Variants in MUC13 observed in about 807,000 individuals in gnomAD.
MUC13 encodes the protein mucin 13, cell surface associated.
A neutral mutation model predicts 48.3 loss-of-function variants in MUC13; 32 were observed. The ratio of observed to expected loss-of-function variants is 0.66; its 90% confidence interval spans 0.50 to 0.89. The LOEUF (loss-of-function observed/expected upper bound fraction) is 0.89, where lower values mean the gene tolerates loss of function less well. Ranked by LOEUF, MUC13 falls within the 40% of genes least tolerant of loss-of-function variation. The probability of loss-of-function intolerance (pLI) is 0.00; values close to 1 mark genes in which losing one functional copy is unlikely to be tolerated. For missense variants in MUC13, 571 were observed against 622.8 expected, an observed-to-expected ratio of 0.92 and a Z score of 0.88; for synonymous variants, 199 against 224.9, an observed-to-expected ratio of 0.88 and a Z score of 1.03.
Position 124,906,273 on chromosome 3 carries a change from A to C in MUC13, c.*470T>G, listed in dbSNP as rs1532602. On this transcript the variant is annotated 3_prime_UTR_variant, in exon 12 of 12. Transcript: ENST00000616727. ...AGAGTGAGCTTGTGACCCTTGAAAG[A>C]TGGTGGGTATCCCTTCTCATCCCCT... The C allele has an allele frequency of 6.6e-6, 1 of 152,274 alleles. No individual in the cohort carries two copies. Among genetic ancestry groups the C allele is most frequent in the Non-Finnish European group, 1.5e-5 (1 of 67,974 alleles). The allele number at this position is 152,274 out of a possible 1,614,324, so 9.4% of individuals were successfully genotyped here. A position where few individuals can be genotyped will look rare whatever the true frequency, so the allele number is the denominator to read the frequency against.
In MUC13 at chr3:124,910,501, T is replaced by C. The variant is rs1426099952; in HGVS notation, c.1253-2A>G. The C allele has an allele frequency of 1.2e-5, 19 of 1,613,928 alleles. No individual in the cohort carries two copies. The Admixed American group carries it at 3.2e-4, about 27-fold the overall frequency. ...CAATAGTGAGGATCAGCTGAAATTC[T>C]GAAAGGAAGAAGAAAATAAGAACAG... On this transcript the variant is annotated splice_acceptor_variant, in intron 9 of 11. Transcript: ENST00000616727. LOFTEE classifies it high-confidence loss of function.
rs76752028 is a variant in MUC13 at position 124,930,624 on chromosome 3, G to A, written c.53-2631C>T. ...CTAAATAACACAAGGATAGCACAAC[G>A]TCCACAGAGGTACAAATCATAGGTT... On this transcript the variant is annotated intron_variant, in intron 1 of 11. Transcript: ENST00000616727. 8.5e-3 allele frequency among the ~76,000 whole-genome samples: 1,287 copies of A among 152,260 alleles called. 16 individuals are homozygous for A. Among genetic ancestry groups the A allele is most frequent in the African/African-American group, 0.029 (1,203 of 41,544 alleles).
intron 10 of MUC13, among the ~76,000 whole-genome samples, chr3:124,909,685 T>TA (rs1391692344): frequency 6.6e-6 from 1 of 150,944 alleles, no homozygotes; most frequent in African/African-American, 2.5e-5. Context: ...TAAACTTTCT[T>TA]AAAAAAAGTT....
chr3:124,926,313 C>T (rs1935685818), intron 2 of MUC13, among the ~76,000 whole-genome samples: 1 of 152,182 alleles, frequency 6.6e-6, no homozygotes, highest in Non-Finnish European at 1.5e-5. Context: ...AAATGACTTG[C>T]CCCATGCCCC....
At chr3:124,928,069 T>A in intron 1 of MUC13, 76 bp from the exon 2 acceptor site, 1 of 1,042,342 alleles carries the variant, frequency 9.6e-7, no homozygotes, top group Non-Finnish European at 1.4e-6. Context: ...TACTAAATCA[T>A]ATCCAACTCA....
At chr3:124,908,019 TC>T in intron 11 of MUC13, 127 bp downstream of exon 11, 1 of 873,336 alleles carries the variant, frequency 1.1e-6, no homozygotes, top group Non-Finnish European at 1.7e-6. Flanking sequence ...TCTCTCTCTC[TC>T]TTTCAATTAA....
chr3:124,908,018 C>T, intron 11 of MUC13, 129 bp downstream of exon 11: 1 of 866,760 alleles, frequency 1.2e-6, no homozygotes, highest in South Asian at 1.8e-5. Flanking sequence ...CTCTCTCTCT[C>T]TCTTTCAATT....
intron 4 of MUC13, among the ~76,000 whole-genome samples, chr3:124,921,722 T>G (rs1935595976): frequency 6.6e-6 from 1 of 152,246 alleles, no homozygotes; most frequent in Non-Finnish European, 1.5e-5. Flanking sequence ...TCTAGACATT[T>G]TTTTAAAAGC....
At chr3:124,926,066 C>T (rs1034676730) in intron 2 of MUC13, among the ~76,000 whole-genome samples, 8 of 152,138 alleles carry the variant, frequency 5.3e-5, no homozygotes, top group Admixed American at 1.3e-4. Context: ...TTAAGAAAAG[C>T]CTCAGCCACC....
At chr3:124,914,325 G>C (rs145784234) in intron 6 of MUC13, among the ~76,000 whole-genome samples, 249 of 152,156 alleles carry the variant, frequency 1.6e-3, no homozygotes, top group Middle Eastern at 3.4e-3. Context: ...CAGGGGAATT[G>C]CTTGAACCTA....
chr3:124,909,488 G>A (rs1240671335), intron 10 of MUC13, among the ~76,000 whole-genome samples: 5 of 34,548 alleles, frequency 1.4e-4, no homozygotes, highest in Non-Finnish European at 3.8e-4. Context: ...GTGCTTGCGT[G>A]TGTGTGTGTG....
At chr3:124,932,035 A>C (rs28757803) in intron 1 of MUC13, among the ~76,000 whole-genome samples, 1 of 152,090 alleles carries the variant, frequency 6.6e-6, no homozygotes, top group Non-Finnish European at 1.5e-5. Flanking sequence ...ACAAGAACAA[A>C]ACTCTGTCTC....
intron 2 of MUC13, among the ~76,000 whole-genome samples, chr3:124,925,014 CA>C (rs1935663919): frequency 1.3e-5 from 2 of 152,102 alleles, no homozygotes; most frequent in Admixed American, 1.3e-4. Context: ...TATGTCCACA[CA>C]AAAGCCTGCA....
chr3:124,925,885 G>A (rs531975296), intron 2 of MUC13, among the ~76,000 whole-genome samples: 119 of 152,264 alleles, frequency 7.8e-4, no homozygotes, highest in Non-Finnish European at 1.3e-3. Context: ...AAAGTGCTGG[G>A]ATTACAGGCG....
Position 124,922,070 on chromosome 3 carries a change from C to T in MUC13, c.744+127G>A, listed in dbSNP as rs1171310174. 5 of 1,124,420 alleles carry T rather than the reference C, an allele frequency of 4.4e-6. No individual in the cohort carries two copies. In the African/African-American group the frequency reaches 4.7e-5, roughly 11 times the overall value. The allele number at this position is 1,124,420 out of a possible 1,614,324, so 69.7% of individuals were successfully genotyped here. A position where few individuals can be genotyped will look rare whatever the true frequency, so the allele number is the denominator to read the frequency against. On this transcript the variant is annotated intron_variant, in intron 4 of 11. Coordinates refer to ENST00000616727, the MANE Select transcript of MUC13 (RefSeq NM_033049.4). ...TGCTGTTTACCGACCAGTAAAGGTA[C>T]ATTTCACTGTTTGAACAACTGGTAC...
chr3:124,933,618 C>T (rs971949900), intron 1 of MUC13, among the ~76,000 whole-genome samples: 4 of 152,166 alleles, frequency 2.6e-5, no homozygotes, highest in South Asian at 2.1e-4. Flanking sequence ...CAACAGAATT[C>T]CTCTTCTCCC....
At chr3:124,934,158 C>T (rs527724328) in intron 1 of MUC13, among the ~76,000 whole-genome samples, 1 of 152,254 alleles carries the variant, frequency 6.6e-6, no homozygotes, top group African/African-American at 2.4e-5. Flanking sequence ...CCAGATCTCA[C>T]TCCATAGACC....
chr3:124,907,787 G>C (rs1935341713), intron 11 of MUC13, among the ~76,000 whole-genome samples: 1 of 152,120 alleles, frequency 6.6e-6, no homozygotes, highest in South Asian at 2.1e-4. Context: ...CCCTGGTCCT[G>C]GCTGAGGACC....
At chr3:124,929,619 C>T (rs144002671) in intron 1 of MUC13, among the ~76,000 whole-genome samples, 1 of 152,268 alleles carries the variant, frequency 6.6e-6, no homozygotes, top group East Asian at 1.9e-4. Context: ...AATACATCAG[C>T]AACTGGCAAT....
Sources: allele counts gnomAD v4.1 joint callset (sites outside exome capture counted in the v4.1 genomes callset), GRCh38; gene constraint gnomAD v4.1.1; transcripts MANE v1.5; gene names NCBI Gene and HGNC (gene_info 2026-07-23, HGNC 2026-07-21).